Variants in ARHGAP6 observed in about 807,000 individuals in gnomAD.
ARHGAP6 encodes the protein rho GTPase-activating protein 6.
In ARHGAP6, 16 loss-of-function variants were observed where a neutral mutation model predicts 55.7. The ratio of observed to expected loss-of-function variants is 0.29; its 90% CI spans 0.19 to 0.44. The LOEUF (loss-of-function observed/expected upper bound fraction) is 0.44, where lower values mean the gene tolerates loss of function less well. ARHGAP6 is among the 20% of genes least tolerant of loss of function. ARHGAP6 has a pLI of 1.00. For synonymous variants in ARHGAP6, 382 were observed against 360.9 expected, an observed-to-expected ratio of 1.06 and a Z score of -0.66; for missense variants, 698 against 808.9, an observed-to-expected ratio of 0.86 and a Z score of 1.66.
At chrX:11,443,096 T>C (rs998632777) in intron 1 of ARHGAP6, among the ~76,000 whole-genome samples, 1 of 112,058 alleles carries the variant, frequency 8.9e-6, no homozygotes, top group African/African-American at 3.2e-5. Flanking sequence ...TCCTGATCTC[T>C]ACCCCTAAAA....
At chrX:11,347,181 T>C (rs1166881822) in intron 1 of ARHGAP6, among the ~76,000 whole-genome samples, 4 of 112,426 alleles carry the variant, frequency 3.6e-5, no homozygotes, top group African/African-American at 1.3e-4. Flanking sequence ...AAAATAGAAG[T>C]CACAGCTGTA....
chrX:11,216,632 T>C (rs1296424996), intron 2 of ARHGAP6, among the ~76,000 whole-genome samples: 1 of 112,416 alleles, frequency 8.9e-6, no homozygotes, highest in African/African-American at 3.2e-5. Flanking sequence ...TGCAGAACAT[T>C]TCACCATTTC....
chrX:11,365,562 C>T (rs984791389), intron 1 of ARHGAP6, among the ~76,000 whole-genome samples: 1 of 112,027 alleles, frequency 8.9e-6, no homozygotes, highest in Non-Finnish European at 1.9e-5. Context: ...ACGTATATGC[C>T]TATAGTGATG....
intron 1 of ARHGAP6, among the ~76,000 whole-genome samples, chrX:11,325,470 A>T: frequency 8.9e-6 from 1 of 112,118 alleles, no homozygotes; most frequent in Non-Finnish European, 1.9e-5. Context: ...TCTAATGAAG[A>T]TTATTCATTT....
intron 1 of ARHGAP6, among the ~76,000 whole-genome samples, chrX:11,315,252 G>A (rs909041780): frequency 9.8e-5 from 11 of 112,346 alleles, no homozygotes; most frequent in Admixed American, 3.7e-4. Flanking sequence ...CAGACAGTGC[G>A]GCGGGGATGG....
chrX:11,390,833 T>C (rs776505350), intron 1 of ARHGAP6, among the ~76,000 whole-genome samples: 1 of 111,967 alleles, frequency 8.9e-6, no homozygotes, highest in Non-Finnish European at 1.9e-5. Context: ...GGAGAGGCTG[T>C]GGAGAAATAG....
At chrX:11,619,675 G>A (rs2052205571) in intron 1 of ARHGAP6, among the ~76,000 whole-genome samples, 1 of 111,958 alleles carries the variant, frequency 8.9e-6, no homozygotes, top group Non-Finnish European at 1.9e-5. Flanking sequence ...AAAGAGTAGG[G>A]TTCAAACAAC....
chrX:11,652,242 G>A (rs771328176), intron 1 of ARHGAP6, among the ~76,000 whole-genome samples: 6 of 111,718 alleles, frequency 5.4e-5, no homozygotes, highest in South Asian at 3.7e-4. Flanking sequence ...TGTCCTCCAC[G>A]GTTTTTACAG....
chrX:11,452,207 G>A (rs1220776365), intron 1 of ARHGAP6, among the ~76,000 whole-genome samples: 6 of 112,173 alleles, frequency 5.3e-5, no homozygotes, highest in Non-Finnish European at 9.4e-5. Flanking sequence ...GAGTGCAGTG[G>A]CACGATCTCG....
intron 1 of ARHGAP6, among the ~76,000 whole-genome samples, chrX:11,412,562 A>G (rs1429796187): frequency 8.9e-6 from 1 of 112,320 alleles, no homozygotes; most frequent in Non-Finnish European, 1.9e-5. Context: ...CACTTTTCAT[A>G]GCAACATGAT....
intron 1 of ARHGAP6, among the ~76,000 whole-genome samples, chrX:11,553,653 T>C (rs1186039324): frequency 8.9e-6 from 1 of 112,007 alleles, no homozygotes; most frequent in Non-Finnish European, 1.9e-5. Context: ...AATTCACCAT[T>C]AAGTTTACTA....
At chrX:11,559,477 C>A (rs2051360424) in intron 1 of ARHGAP6, among the ~76,000 whole-genome samples, 1 of 111,458 alleles carries the variant, frequency 9.0e-6, no homozygotes, top group Non-Finnish European at 1.9e-5. Flanking sequence ...TCTCTGTTAC[C>A]CTTATAATCA....
chrX:11,480,022 G>GAAGGA (rs1211779589), intron 1 of ARHGAP6, among the ~76,000 whole-genome samples: 4 of 111,499 alleles, frequency 3.6e-5, no homozygotes, highest in African/African-American at 9.8e-5. Flanking sequence ...ATAATGAAGG[G>GAAGGA]AAGGAAAGGA....
At chrX:11,209,070 G>C (rs2046750011) in intron 2 of ARHGAP6, among the ~76,000 whole-genome samples, 1 of 112,044 alleles carries the variant, frequency 8.9e-6, no homozygotes. Context: ...TACCCATGTA[G>C]AATAAAAGTA....
chrX:11,589,110 T>C (rs2051772770), intron 1 of ARHGAP6, among the ~76,000 whole-genome samples: 2 of 107,448 alleles, frequency 1.9e-5, no homozygotes, highest in Admixed American at 2.0e-4. Flanking sequence ...AGTGCAGTCT[T>C]GGCTCACTGC....
chrX:11,182,243 T>C, intron 5 of ARHGAP6, 125 bp from the exon 6 acceptor site: 1 of 455,553 alleles, frequency 2.2e-6, no homozygotes, highest in Non-Finnish European at 3.7e-6. Flanking sequence ...CTTGACAGCA[T>C]ACAGTAATGC....
intron 1 of ARHGAP6, among the ~76,000 whole-genome samples, chrX:11,534,978 G>A (rs143234167): frequency 0.013 from 1,461 of 111,134 alleles, 27 homozygotes; most frequent in African/African-American, 0.045. Flanking sequence ...ATCTCATAGC[G>A]TGCATTTTTA....
At chrX:11,524,264 G>A (rs2050966266) in intron 1 of ARHGAP6, among the ~76,000 whole-genome samples, 1 of 111,579 alleles carries the variant, frequency 9.0e-6, no homozygotes, top group South Asian at 3.8e-4. Flanking sequence ...AATGGAACAT[G>A]AGAGGAAGAC....
intron 9 of ARHGAP6, among the ~76,000 whole-genome samples, chrX:11,167,076 A>G (rs989944397): frequency 1.8e-5 from 2 of 112,130 alleles, no homozygotes; most frequent in African/African-American, 6.5e-5. Flanking sequence ...GCTTGGTAAT[A>G]TGGAAATCAT....
Sources: allele counts gnomAD v4.1 joint callset (sites outside exome capture counted in the v4.1 genomes callset), GRCh38; gene constraint gnomAD v4.1.1; transcripts MANE v1.5; gene names NCBI Gene and HGNC (gene_info 2026-07-23, HGNC 2026-07-21).